The following USHBP1 variants were observed in gnomAD, a reference collection of about 807,000 sequenced individuals.
The protein encoded by USHBP1 is USH1 protein network component harmonin binding protein 1, also known as harmonin-binding protein USHBP1.
In USHBP1, 67 loss-of-function variants were observed where a neutral mutation model predicts 76.2. The ratio of observed to expected loss-of-function variants is 0.88; its 90% confidence interval spans 0.72 to 1.08. The LOEUF is 1.08. USHBP1 is among the 50% of genes least tolerant of loss of function. The pLI, the probability that USHBP1 is intolerant of heterozygous loss-of-function variation, is 0.00. For synonymous variants in USHBP1, 322 were observed against 362.2 expected, an observed-to-expected ratio of 0.89 and a Z score of 1.26; for missense variants, 931 against 915.0, an observed-to-expected ratio of 1.02 and a Z score of -0.23.
intron 9 of USHBP1, 43 bp downstream of exon 9, chr19:17,256,428 C>G (rs1205195603): frequency 1.2e-6 from 2 of 1,605,924 alleles, no homozygotes; most frequent in Non-Finnish European, 1.7e-6. Flanking sequence ...AGGATTTTGT[C>G]CCACCAAGAA....
intron 4 of USHBP1, among the ~76,000 whole-genome samples, chr19:17,261,696 G>A (rs926372928): frequency 6.7e-6 from 1 of 150,048 alleles, no homozygotes; most frequent in African/African-American, 2.5e-5. Flanking sequence ...GGAGTGCAGT[G>A]GTGAAATCTC....
rs1171953398 is a variant in USHBP1, at chr19:17,251,582, C to G, written c.1922G>C (p.Ser641Thr). ...TTGGGGGGATGCAGAACAGTCCTAC[C>G]TGTGGGCTTTGCATAAATCCCTGTT... ...ELNRDLCKAH[S>T]ALVLAFRGAH... is the part of the protein sequence containing the mutation. Residue 641 changes from serine to threonine, a missense_variant and splice_region_variant, in exon 12 of 13, where the codon AGC becomes ACC. Coordinates refer to ENST00000252597, the MANE Select transcript of USHBP1 (RefSeq NM_031941.4). 5 of 1,613,698 alleles carry G rather than the reference C, an allele frequency of 3.1e-6. No homozygotes were observed. Among genetic ancestry groups the G allele is most frequent in the Non-Finnish European group, 4.2e-6 (5 of 1,179,892 alleles).
rs767016196 is a variant in USHBP1, at chr19:17,250,408, C to T, written c.1929G>A (p.Leu643=). 1 of 1,612,294 alleles carries T rather than the reference C, an allele frequency of 6.2e-7. No individual in the cohort carries two copies. Among genetic ancestry groups the T allele is most frequent in the African/African-American group, 1.3e-5 (1 of 74,994 alleles). The part of the protein sequence containing the change: ...NRDLCKAHSA[L]VLAFRGAHRK... ...GGTGGGCTCCTCGGAAGGCCAGGACCAGGGCGCTGGAAGGGGTGGGTGGCT... is the reference window on the plus strand; with the variant it reads ...GGTGGGCTCCTCGGAAGGCCAGGACTAGGGCGCTGGAAGGGGTGGGTGGCT... The change falls in exon 13 of 13, where the codon CTG becomes CTA. Residue 643 remains leucine (L), a synonymous_variant. Coordinates refer to ENST00000252597, the MANE Select transcript of USHBP1 (RefSeq NM_031941.4).
rs536772078 is a variant in USHBP1, at chr19:17,257,019, T to A, written c.1221-299A>T. On this transcript the variant is annotated intron_variant, in intron 8 of 12. Transcript: ENST00000252597. ...GCATAGGCAACAGAGTGAGAATCCGTCTTTTTTTTTTTTTTTTTTGAGACG... is the reference window on the plus strand; with the variant it reads ...GCATAGGCAACAGAGTGAGAATCCGACTTTTTTTTTTTTTTTTTTGAGACG... Among the ~76,000 whole-genome samples the A allele has an allele frequency of 2.3e-4, 33 of 144,304 alleles. No homozygotes were observed. In the South Asian group the frequency reaches 7.2e-3, roughly 32 times the overall value. The allele number at this position is 144,304 out of a possible 152,430, so 94.7% of individuals were successfully genotyped here.
Position 17,264,160 on chromosome 19 carries a change from A to AC in USHBP1, c.55-11dup, listed in dbSNP as rs745397263. 6.2e-7 allele frequency: 1 copy of AC among 1,612,122 alleles called. No individual in the cohort carries two copies. Among genetic ancestry groups the AC allele is most frequent in the South Asian group, 1.1e-5 (1 of 90,822 alleles). ...CGGGATCCAGTTCACCCTGCAAATG[A>AC]CCCCCGGGGCCCTGCTCTGAGCCAG... On this transcript the variant is annotated splice_polypyrimidine_tract_variant and intron_variant, in intron 2 of 12. Coordinates refer to ENST00000252597, the MANE Select transcript of USHBP1 (RefSeq NM_031941.4).
intron 3 of USHBP1, 164 bp from the exon 4 acceptor site, chr19:17,263,154 C>T (rs1427246373): frequency 2.3e-5 from 14 of 619,556 alleles, no homozygotes; most frequent in Admixed American, 7.5e-5. Context: ...TCTCCTGCCT[C>T]GGTCCCCCAA....
In USHBP1 at chr19:17,259,151, C is replaced by T. The variant is rs189672763; in HGVS notation, c.1046+138G>A. On this transcript the variant is annotated intron_variant, in intron 7 of 12. Coordinates refer to ENST00000252597, the MANE Select transcript of USHBP1 (RefSeq NM_031941.4). ...CTGCACTCCAGCCTGGGCAACACAG[C>T]GAGATTCTGTCTCAAAAAAAAAAAT... 5.4e-3 allele frequency: 6,903 copies of T among 1,267,670 alleles called. 34 individuals carry two copies. Among genetic ancestry groups the T allele is most frequent in the South Asian group, 0.013 (813 of 60,686 alleles). 78.5% of individuals were successfully genotyped at this position (1,267,670 alleles called of 1,614,324 possible). A position where few individuals can be genotyped will look rare whatever the true frequency, so the allele number is the denominator to read the frequency against.
chr19:17,255,281 A>G, intron 10 of USHBP1, 104 bp downstream of exon 10: 2 of 1,306,204 alleles, frequency 1.5e-6, no homozygotes, highest in Non-Finnish European at 2.1e-6. Flanking sequence ...AACAAGAGCC[A>G]AACTCCGTCT....
At position 17,259,334 on chromosome 19, in the gene USHBP1, T is replaced by A; in HGVS notation, c.1001A>T (p.Gln334Leu). 2 of 1,614,134 alleles carry A rather than the reference T, an allele frequency of 1.2e-6. No homozygotes were observed. The highest frequency in any genetic ancestry group is 1.7e-6 in the Non-Finnish European group (2 of 1,180,008). Residue 334 changes from glutamine (Q) to leucine (L), a missense_variant, in exon 7 of 13, where the codon CAG becomes CTG. Transcript: ENST00000252597. The stretch of plus-strand genomic sequence containing the variant: ...CAATGCTGTGGCCTCAGCCTCCCGC[T>A]GGCCTAGCTGCATGCTGAGGCCTTC... The part of the protein sequence containing the change: ...RCEGLSMQLG[Q>L]REAEATALHL...
At position 17,255,364 on chromosome 19, in the gene USHBP1, G is replaced by A. The variant is rs1373463708; in HGVS notation, c.1692+21C>T. The A allele has an allele frequency of 3.1e-6, 5 of 1,607,448 alleles. No individual in the cohort carries two copies. In the Admixed American group the frequency reaches 8.4e-5, roughly 27 times the overall value. On this transcript the variant is annotated intron_variant, in intron 10 of 12. Coordinates refer to ENST00000252597, the MANE Select transcript of USHBP1 (RefSeq NM_031941.4). Reference sequence around the variant, plus strand: ...TCATTAGTAAGCTACTCCCCTACCAGGTTCAGGCAGGGCAGCTCACCTGAT... The same window carrying A: ...TCATTAGTAAGCTACTCCCCTACCAAGTTCAGGCAGGGCAGCTCACCTGAT...
chr19:17,262,711 C>T lies in USHBP1; in HGVS notation c.483G>A (p.Gly161=). Residue 161 remains glycine, a synonymous_variant, in exon 4 of 13, where the codon GGG becomes GGA. Coordinates refer to ENST00000252597, the MANE Select transcript of USHBP1 (RefSeq NM_031941.4). ...GTSEGGAGSL[G]KQEGAGSCQR... is the part of the protein sequence containing the mutation. ...GGCAGCTCCCTGCCCCTTCCTGCTT[C>T]CCAAGGGAACCTGCTCCCCCTTCGC... 6.2e-7 allele frequency: 1 copy of T among 1,614,242 alleles called. No individual in the cohort carries two copies.
At chr19:17,261,031 C>T (rs575871483) in intron 4 of USHBP1, among the ~76,000 whole-genome samples, 1 of 152,298 alleles carries the variant, frequency 6.6e-6, no homozygotes, top group East Asian at 1.9e-4. Context: ...CCACCCTCAC[C>T]TCCGCCACCA....
intron 5 of USHBP1, 28 bp from the exon 6 acceptor site, chr19:17,259,760 C>T: frequency 6.3e-7 from 1 of 1,590,596 alleles, no homozygotes; most frequent in East Asian, 2.2e-5. Context: ...TATAACTGAC[C>T]CCAATTGTCA....
chr19:17,251,166 GTTGTTTT>G (rs1401228689), intron 12 of USHBP1, among the ~76,000 whole-genome samples: 1 of 66,448 alleles, frequency 1.5e-5, no homozygotes. Context: ...GGCCCAGCCT[GTTGTTTT>G]TTTTTTTTTT....
chr19:17,260,319 A>G (rs2073672283), intron 4 of USHBP1, among the ~76,000 whole-genome samples: 1 of 152,046 alleles, frequency 6.6e-6, no homozygotes, highest in African/African-American at 2.4e-5. Context: ...TATCTCATTC[A>G]GCCACATGGC....
chr19:17,264,068 G>A lies in USHBP1; in HGVS notation c.137C>T (p.Pro46Leu), dbSNP rs768002936. ...CAGCTGCTCCAGCCCGGAGCTCACC[G>A]GAGGTGGGGCAAAGCTGGGCTTGGA... ...GSSKPSFAPP[P>L]VSSGLEQLGP... Residue 46 changes from proline (P) to leucine (L), a missense_variant, in exon 3 of 13, where the codon CCG becomes CTG. Pro to Leu is a moderately conservative substitution (Grantham distance 98). Transcript: ENST00000252597. The A allele has an allele frequency of 9.9e-5, 160 of 1,613,584 alleles. 1 individual carries two copies. The highest frequency in any genetic ancestry group is 2.2e-4 in the South Asian group (20 of 90,998).
chr19:17,256,829 G>GA, intron 8 of USHBP1, 109 bp from the exon 9 acceptor site: 2 of 1,480,880 alleles, frequency 1.4e-6, no homozygotes, highest in South Asian at 2.5e-5. Context: ...GGCCACGATG[G>GA]AATCTATGCC....
At position 17,255,728 on chromosome 19, in the gene USHBP1, C is replaced by G. The variant is rs562834798; in HGVS notation, c.1471-122G>C. 8.2e-6 allele frequency: 9 copies of G among 1,099,888 alleles called. No individual in the cohort carries two copies. The Admixed American group carries it at 1.9e-4, about 24-fold the overall frequency. The allele number at this position is 1,099,888 out of a possible 1,614,324, so 68.1% of individuals were successfully genotyped here. A position where few individuals can be genotyped will look rare whatever the true frequency, so the allele number is the denominator to read the frequency against. On this transcript the variant is annotated intron_variant, in intron 9 of 12. Transcript: ENST00000252597. ...AAAAACTGTGACTTTTGGCCAGGCG[C>G]AGTGGCTCATGCCTGTAATCCCAGC...
rs1053682441 is a variant in USHBP1, at chr19:17,262,746, C to G, written c.448G>C (p.Glu150Gln). The change falls in exon 4 of 13, where the codon GAA becomes CAA. Residue 150 changes from glutamate to glutamine, a missense_variant. Glu to Gln is a conservative substitution (Grantham distance 29, BLOSUM62 2). Transcript: ENST00000252597. ...PPSHSGPMEF[E>Q]GTSEGGAGSL... is the part of the protein sequence containing the mutation. ...CCTGCTCCCCCTTCGCTTGTGCCTT[C>G]GAACTCCATCGGCCCAGAATGGCTG... 35 of 1,614,224 alleles carry G rather than the reference C, an allele frequency of 2.2e-5. No homozygotes were observed. Among genetic ancestry groups the G allele is most frequent in the Non-Finnish European group, 2.6e-5 (31 of 1,180,030 alleles).
Sources: allele counts gnomAD v4.1 joint callset (sites outside exome capture counted in the v4.1 genomes callset), GRCh38; gene constraint gnomAD v4.1.1; transcripts MANE v1.5; gene names NCBI Gene and HGNC (gene_info 2026-07-23, HGNC 2026-07-21).